The following GALNT16 variants were observed in gnomAD, a reference collection of about 807,000 sequenced individuals.
GALNT16 encodes polypeptide N-acetylgalactosaminyltransferase 16.
In GALNT16, 40 loss-of-function variants were observed where a neutral mutation model predicts 76.1. The ratio of observed to expected loss-of-function variants is 0.53; its 90% confidence interval spans 0.41 to 0.68. The LOEUF (loss-of-function observed/expected upper bound fraction) is 0.68, where lower values mean the gene tolerates loss of function less well. Among genes scored for constraint, GALNT16 ranks in the 30% least tolerant of loss-of-function variants. GALNT16 has a pLI of 0.00. For missense variants in GALNT16, 621 were observed against 731.9 expected, an observed-to-expected ratio of 0.85 and a Z score of 1.75; for synonymous variants, 276 against 285.2, an observed-to-expected ratio of 0.97 and a Z score of 0.32.
At chr14:69,277,311 G>A (rs1174705170) in intron 1 of GALNT16, among the ~76,000 whole-genome samples, 1 of 152,138 alleles carries the variant, frequency 6.6e-6, no homozygotes, top group Non-Finnish European at 1.5e-5. Context: ...CCATGTTGGT[G>A]TGCTGCACCC....
intron 2 of GALNT16, among the ~76,000 whole-genome samples, chr14:69,322,922 C>CA (rs1555400131): frequency 8.6e-6 from 1 of 115,794 alleles, no homozygotes; most frequent in Non-Finnish European, 1.8e-5. Flanking sequence ...AGGTGGCTCA[C>CA]GGGGTGTGTG....
At chr14:69,323,341 C>A (rs1028320112) in intron 2 of GALNT16, among the ~76,000 whole-genome samples, 2 of 152,190 alleles carry the variant, frequency 1.3e-5, no homozygotes, top group African/African-American at 4.8e-5. Flanking sequence ...AACATCAATC[C>A]CAGAGGCATG....
At chr14:69,318,704 T>A (rs761249878) in intron 1 of GALNT16, among the ~76,000 whole-genome samples, 1 of 152,238 alleles carries the variant, frequency 6.6e-6, no homozygotes, top group African/African-American at 2.4e-5. Flanking sequence ...ACAGCTGACC[T>A]GGAGGATAAC....
intron 1 of GALNT16, among the ~76,000 whole-genome samples, chr14:69,300,400 T>A (rs2044834383): frequency 6.6e-6 from 1 of 152,198 alleles, no homozygotes; most frequent in South Asian, 2.1e-4. Flanking sequence ...TCACTGGGGC[T>A]GTAGCTAGTG....
chr14:69,336,598 C>G (rs1398861096), intron 9 of GALNT16, among the ~76,000 whole-genome samples: 1 of 152,236 alleles, frequency 6.6e-6, no homozygotes, highest in Admixed American at 6.5e-5. Context: ...AAAACATAGT[C>G]TTAGTCCTCC....
chr14:69,270,877 G>GA (rs1332670095), intron 1 of GALNT16, among the ~76,000 whole-genome samples: 1 of 152,212 alleles, frequency 6.6e-6, no homozygotes, highest in Admixed American at 6.5e-5. Flanking sequence ...TCTTGCTGGG[G>GA]ATCTGGTGGT....
intron 1 of GALNT16, among the ~76,000 whole-genome samples, chr14:69,293,581 G>A (rs1185466686): frequency 6.6e-6 from 1 of 152,196 alleles, no homozygotes; most frequent in Non-Finnish European, 1.5e-5. Context: ...AGGTGGTACA[G>A]TATGGTGGTT....
intron 1 of GALNT16, among the ~76,000 whole-genome samples, chr14:69,303,136 A>C (rs1473617057): frequency 2.0e-5 from 3 of 152,178 alleles, no homozygotes; most frequent in Admixed American, 2.0e-4. Context: ...CTTTTGATGC[A>C]TTTGCCAAGT....
the GALNT16 span, among the ~76,000 whole-genome samples, chr14:69,366,410 C>T: frequency 1.9e-4 from 29 of 152,328 alleles, no homozygotes; most frequent in African/African-American, 6.5e-4. Context: ...CGTGCTTCCC[C>T]GACTCTGCCT....
At chr14:69,281,028 C>G (rs917681904) in intron 1 of GALNT16, among the ~76,000 whole-genome samples, 2 of 152,096 alleles carry the variant, frequency 1.3e-5, no homozygotes, top group Admixed American at 1.3e-4. Flanking sequence ...CCCACACCAA[C>G]CCCCGAGACC....
intron 1 of GALNT16, among the ~76,000 whole-genome samples, chr14:69,278,487 C>T (rs1057411214): frequency 6.6e-6 from 1 of 152,174 alleles, no homozygotes; most frequent in Non-Finnish European, 1.5e-5. Flanking sequence ...AGATTCTATA[C>T]TGTTTGTAAC....
rs752340692 is a variant in GALNT16 at position 69,347,991 on chromosome 14, G to C, written c.1528G>C (p.Glu510Gln). Residue 510 changes from glutamate to glutamine, a missense_variant, in exon 14 of 15, where the codon GAA becomes CAA. By Grantham distance (29) the Glu-to-Gln change is conservative. Transcript: ENST00000448469. ...CATACTGCAGATGTGCAACCCTAGA[G>C]AAGGCAAGCAGGTGAGTCTCCTTGC... The part of the protein sequence containing the change: ...PVILQMCNPR[E>Q]GKQKWRRKGS... 31 of 1,613,952 alleles carry C rather than the reference G, an allele frequency of 1.9e-5. No individual in the cohort carries two copies. The highest frequency in any genetic ancestry group is 2.6e-5 in the Non-Finnish European group (31 of 1,180,026).
At chr14:69,361,193 G>C (rs549355177), downstream of GALNT16, among the ~76,000 whole-genome samples, 3 of 152,188 alleles carry the variant, frequency 2.0e-5, no homozygotes, top group East Asian at 1.9e-4. Flanking sequence ...ACATTTTACC[G>C]TGAGTTACAT....
At chr14:69,362,240 G>A in the GALNT16 span, among the ~76,000 whole-genome samples, 2 of 152,188 alleles carry the variant, frequency 1.3e-5, no homozygotes, top group African/African-American at 4.8e-5. Context: ...CTGGCCAGGG[G>A]TATTTGTTCC....
intron 10 of GALNT16, 21 bp downstream of exon 10, chr14:69,338,798 C>G (rs199584373): frequency 8.7e-5 from 139 of 1,598,688 alleles, no homozygotes; most frequent in Non-Finnish European, 1.1e-4. Flanking sequence ...GAGAAAGGAG[C>G]ACGGGACTCA....
In GALNT16 at chr14:69,260,444, G is replaced by C; in HGVS notation, c.154G>C (p.Glu52Gln). 2 of 1,569,174 alleles carry C rather than the reference G, an allele frequency of 1.3e-6. No individual in the cohort carries two copies. The highest frequency in any genetic ancestry group is 8.6e-7 in the Non-Finnish European group (1 of 1,156,758). The change falls in exon 1 of 15, where the codon GAG becomes CAG. Residue 52 changes from glutamate (E) to glutamine (Q), a missense_variant. By Grantham distance (29) the Glu-to-Gln change is conservative. Coordinates refer to ENST00000448469, the MANE Select transcript of GALNT16 (RefSeq NM_001168368.2). ...AGGCAGGAGGTCGGAGCAGCTCCGC[G>C]AGGACCGCACCATCCCGCTCATTGT... Reference protein sequence around the residue: ...RAGRRSEQLREDRTIPLIVTG... With the variant: ...RAGRRSEQLRQDRTIPLIVTG...
the GALNT16 span, among the ~76,000 whole-genome samples, chr14:69,363,392 G>A: frequency 6.6e-6 from 1 of 152,222 alleles, no homozygotes; most frequent in Admixed American, 6.5e-5. Context: ...GAGGCTGGGA[G>A]TCTAACCTAG....
At chr14:69,380,880 G>C in the GALNT16 span, among the ~76,000 whole-genome samples, 3 of 151,856 alleles carry the variant, frequency 2.0e-5, no homozygotes, top group African/African-American at 7.3e-5. Flanking sequence ...TAAGTTAAAT[G>C]CCCAATATGT....
At position 69,328,575 on chromosome 14, in the gene GALNT16, A is replaced by G. The variant is rs2045315096; in HGVS notation, c.690+4A>G. The stretch of plus-strand genomic sequence containing the variant: ...CATGCTGCAGCGGGTGAAGGAGGTG[A>G]GCCACTGTCTCTGGGGAGCTGGGCG... On this transcript the variant is annotated splice_donor_region_variant and intron_variant, in intron 6 of 14. Transcript: ENST00000448469. 5 of 1,611,884 alleles carry G rather than the reference A, an allele frequency of 3.1e-6. No individual in the cohort carries two copies. Among genetic ancestry groups the G allele is most frequent in the Non-Finnish European group, 4.2e-6 (5 of 1,179,388 alleles).
Sources: allele counts gnomAD v4.1 joint callset (sites outside exome capture counted in the v4.1 genomes callset), GRCh38; gene constraint gnomAD v4.1.1; transcripts MANE v1.5; gene names NCBI Gene and HGNC (gene_info 2026-07-23, HGNC 2026-07-21).